The following ZNRF3 variants were observed in gnomAD, a reference collection of about 807,000 sequenced individuals.
The protein encoded by ZNRF3 is E3 ubiquitin-protein ligase ZNRF3.
A neutral mutation model predicts 72.5 loss-of-function variants in ZNRF3; 23 were observed. The observed-to-expected ratio is 0.32, with a 90% CI of 0.23 to 0.45. The LOEUF (loss-of-function observed/expected upper bound fraction) is 0.45. Ranked by LOEUF, ZNRF3 falls within the 20% of genes least tolerant of loss-of-function variation. ZNRF3 has a pLI of 1.00. For synonymous variants in ZNRF3, 610 were observed against 545.3 expected (o/e 1.12, Z -1.65); for missense variants, 1,169 against 1,272.1 (o/e 0.92, Z 1.23).
chr22:28,937,747 C>T (rs2034867225), intron 1 of ZNRF3, among the ~76,000 whole-genome samples: 1 of 152,172 alleles, frequency 6.6e-6, no homozygotes, highest in African/African-American at 2.4e-5. Flanking sequence ...TTCAGTCTTA[C>T]CACTCGGGAG....
intron 1 of ZNRF3, among the ~76,000 whole-genome samples, chr22:28,901,587 G>T (rs532559774): frequency 4.0e-5 from 6 of 149,566 alleles, no homozygotes; most frequent in Admixed American, 1.3e-4. Flanking sequence ...GCTGACTGGC[G>T]CATGGAGTCC....
At chr22:29,051,567 G>A (rs1250971334) in intron 8 of ZNRF3, among the ~76,000 whole-genome samples, 1 of 144,960 alleles carries the variant, frequency 6.9e-6, no homozygotes, top group African/African-American at 2.6e-5. Flanking sequence ...TCAAGCTACT[G>A]CACTCCAGCC....
chr22:28,898,641 G>T (rs2034044694), intron 1 of ZNRF3, among the ~76,000 whole-genome samples: 1 of 152,250 alleles, frequency 6.6e-6, no homozygotes, highest in Non-Finnish European at 1.5e-5. Context: ...AGAAACAAAT[G>T]TATATGAGTC....
At chr22:28,921,351 G>A (rs910694946) in intron 1 of ZNRF3, among the ~76,000 whole-genome samples, 3 of 152,004 alleles carry the variant, frequency 2.0e-5, no homozygotes, top group African/African-American at 4.8e-5. Context: ...GTCTAACCCC[G>A]CCTTCCCCTA....
chr22:28,979,620 A>T (rs1285628554), intron 1 of ZNRF3, among the ~76,000 whole-genome samples: 1 of 152,192 alleles, frequency 6.6e-6, no homozygotes, highest in Non-Finnish European at 1.5e-5. Context: ...AAGTTAATTA[A>T]ATCCTGACCT....
intron 2 of ZNRF3, among the ~76,000 whole-genome samples, chr22:28,996,472 T>G (rs1354407702): frequency 6.6e-6 from 1 of 152,194 alleles, no homozygotes; most frequent in East Asian, 1.9e-4. Flanking sequence ...TCTTAATCAT[T>G]TTTGAGAATG....
chr22:28,909,360 C>A (rs2034272877), intron 1 of ZNRF3, among the ~76,000 whole-genome samples: 1 of 152,098 alleles, frequency 6.6e-6, no homozygotes, highest in South Asian at 2.1e-4. Context: ...AAGCATGGAC[C>A]TCTCCTGGGG....
At position 29,049,953 on chromosome 22, in the gene ZNRF3, G is replaced by T. The variant is rs752786262; in HGVS notation, c.1772G>T (p.Ser591Ile). The change falls in exon 8 of 9, where the codon AGC (serine) becomes ATC (isoleucine). Residue 591 changes from serine to isoleucine, a missense_variant. Transcript: ENST00000544604. This position sits in a 1 kb window ranked among gnomAD's most constrained non-coding sequence, Gnocchi z 5.2. ...GSCSTFRSSL[S>I]SDYDPFIYRS... ...TGCTCCACCTTCCGCAGCTCCCTCA[G>T]CAGCGACTATGACCCCTTCATCTAC... 6.2e-7 allele frequency: 1 copy of T among 1,612,004 alleles called. No homozygotes were observed. The highest frequency in any genetic ancestry group is 2.2e-5 in the East Asian group (1 of 44,864).
At chr22:28,968,860 C>T (rs1304045362) in intron 1 of ZNRF3, among the ~76,000 whole-genome samples, 1 of 152,102 alleles carries the variant, frequency 6.6e-6, no homozygotes, top group Non-Finnish European at 1.5e-5. Flanking sequence ...AGTCAGAGTT[C>T]GTTTGGAGGA....
intron 2 of ZNRF3, among the ~76,000 whole-genome samples, chr22:28,994,103 A>G (rs1366392806): frequency 1.7e-4 from 26 of 150,166 alleles, no homozygotes. Context: ...AAAGCACTAA[A>G]CCAGGTGTTG....
chr22:29,005,379 T>A (rs1417433070), intron 2 of ZNRF3, among the ~76,000 whole-genome samples: 1 of 152,226 alleles, frequency 6.6e-6, no homozygotes, highest in African/African-American at 2.4e-5. Flanking sequence ...GATATAGAGC[T>A]TATAGATTGG....
chr22:28,980,840 A>G lies in ZNRF3; in HGVS notation c.301-6236A>G, dbSNP rs541138835. Among the ~76,000 whole-genome samples, 3 of 152,130 alleles carry G rather than the reference A, an allele frequency of 2.0e-5. No individual in the cohort carries two copies. In the South Asian group the frequency reaches 6.2e-4, roughly 32 times the overall value. ...GTCTTGGTTCCAGTCTAGGGTTTCCATGTCTATTTGATTTTTTTCTTTACG... is the reference window on the plus strand; with the variant it reads ...GTCTTGGTTCCAGTCTAGGGTTTCCGTGTCTATTTGATTTTTTTCTTTACG... On this transcript the variant is annotated intron_variant, in intron 1 of 8. Transcript: ENST00000544604.
rs1457204359 is a variant in ZNRF3, at chr22:29,050,756, C to T, written c.2575C>T (p.Arg859Ter). 6.2e-7 allele frequency: 1 copy of T among 1,607,612 alleles called. No homozygotes were observed. Among genetic ancestry groups the T allele is most frequent in the Non-Finnish European group, 8.5e-7 (1 of 1,177,414 alleles). Reference protein sequence around the residue: ...THSLGSWGGTRGPDTPRPHRG... With the variant: ...THSLGSWGGT ...CAGCCTCGGCTCCTGGGGTGGGACG[C>T]GAGGCCCGGATACCCCACGGCCCCA... The change falls in exon 8 of 9, where the codon CGA becomes TGA. Residue 859 changes from arginine to a stop codon, truncating the protein, a stop_gained. Transcript: ENST00000544604. LOFTEE classifies it high-confidence loss of function.
At chr22:28,888,850 G>A (rs1042106289) in intron 1 of ZNRF3, among the ~76,000 whole-genome samples, 1 of 151,970 alleles carries the variant, frequency 6.6e-6, no homozygotes, top group Non-Finnish European at 1.5e-5. Flanking sequence ...GGGCGCGGTG[G>A]CTCACGCCTG....
intron 1 of ZNRF3, among the ~76,000 whole-genome samples, chr22:28,897,312 CT>C (rs1282922712): frequency 6.6e-6 from 1 of 152,118 alleles, no homozygotes; most frequent in Non-Finnish European, 1.5e-5. Flanking sequence ...CAGTGCTTTT[CT>C]TTCTTTTTTA....
At chr22:28,982,652 G>A (rs925528953) in intron 1 of ZNRF3, among the ~76,000 whole-genome samples, 1 of 151,638 alleles carries the variant, frequency 6.6e-6, no homozygotes, top group African/African-American at 2.4e-5. Context: ...AAATGCAAAT[G>A]AAATGGTATG....
intron 5 of ZNRF3, among the ~76,000 whole-genome samples, chr22:29,045,892 T>C (rs572530431): frequency 1.4e-4 from 22 of 152,304 alleles, no homozygotes; most frequent in Non-Finnish European, 2.6e-4. Context: ...TCTGGCATGA[T>C]TGAGAAGTGT....
At position 29,049,724 on chromosome 22, in the gene ZNRF3, G is replaced by C. The variant is rs368294263; in HGVS notation, c.1543G>C (p.Val515Leu). 1.3e-6 allele frequency: 2 copies of C among 1,599,948 alleles called. No individual in the cohort carries two copies. ...GSLLFPTVVH[V>L]APPSHLESGS... ...CCTGCTCTTCCCCACCGTGGTGCAC[G>C]TGGCCCCGCCCTCCCACCTGGAGAG... is the stretch of plus-strand genomic sequence containing the variant. The change falls in exon 8 of 9, where the codon GTG (valine) becomes CTG (leucine). Residue 515 changes from valine (V) to leucine (L), a missense_variant. By Grantham distance (32) the Val-to-Leu change is conservative. This residue lies in a region of ZNRF3 where 783 missense variants were observed against 731.4 expected (regional missense o/e 1.07). Transcript: ENST00000544604. The surrounding 1 kb of genome is among the most constrained non-coding windows in gnomAD (Gnocchi z 5.2).
intron 2 of ZNRF3, among the ~76,000 whole-genome samples, chr22:29,042,268 C>T (rs2036977518): frequency 6.6e-6 from 1 of 152,174 alleles, no homozygotes; most frequent in Admixed American, 6.5e-5. Flanking sequence ...TTGGGAATGT[C>T]CTTCTCCTAG....
Sources: allele counts gnomAD v4.1 joint callset (sites outside exome capture counted in the v4.1 genomes callset), GRCh38; gene constraint gnomAD v4.1.1; regional missense constraint gnomAD v4.1.1; non-coding constraint Gnocchi (gnomAD v3.1); transcripts MANE v1.5; gene names NCBI Gene and HGNC (gene_info 2026-07-23, HGNC 2026-07-21).